Variants in JMJD1C observed in about 807,000 individuals in gnomAD.
The protein encoded by JMJD1C is jumonji domain-containing protein 1C.
A neutral mutation model predicts 245.3 loss-of-function variants in JMJD1C; 31 were observed. That is an observed-to-expected ratio of 0.13 (90% CI 0.09 to 0.17). The LOEUF (loss-of-function observed/expected upper bound fraction) is 0.17, where lower values mean the gene tolerates loss of function less well. Among genes scored for constraint, JMJD1C ranks in the 10% least tolerant of loss-of-function variants. JMJD1C has a pLI of 1.00. For missense variants in JMJD1C, 2,691 were observed against 3,000.2 expected (o/e 0.90, Z 2.41); for synonymous variants, 1,057 against 1,017.4 (o/e 1.04, Z -0.74).
intron 2 of JMJD1C, among the ~76,000 whole-genome samples, chr10:63,366,879 C>A (rs1020541237): frequency 1.3e-5 from 2 of 152,148 alleles, no homozygotes; most frequent in African/African-American, 4.8e-5. Flanking sequence ...ATTATTGTTA[C>A]CTGGAATAGC....
At chr10:63,452,534 C>T (rs1415183606) in intron 1 of JMJD1C, among the ~76,000 whole-genome samples, 1 of 152,116 alleles carries the variant, frequency 6.6e-6, no homozygotes, top group Non-Finnish European at 1.5e-5. Flanking sequence ...AGTGGTTCCT[C>T]ACAAAACATA....
chr10:63,242,864 A>G (rs1564668353), intron 3 of JMJD1C, among the ~76,000 whole-genome samples: 1 of 151,990 alleles, frequency 6.6e-6, no homozygotes, highest in Non-Finnish European at 1.5e-5. Context: ...TTTAGAGTAC[A>G]AAGTGTTTTC....
chr10:63,247,734 A>AG (rs1852427043), intron 3 of JMJD1C, among the ~76,000 whole-genome samples: 2 of 151,052 alleles, frequency 1.3e-5, no homozygotes, highest in Non-Finnish European at 2.9e-5. Context: ...AAAAAAAAAA[A>AG]AAAAGAAACA....
intron 1 of JMJD1C, among the ~76,000 whole-genome samples, chr10:63,511,293 T>C (rs1173808141): frequency 1.3e-5 from 2 of 152,248 alleles, no homozygotes; most frequent in East Asian, 1.9e-4. Flanking sequence ...ACTGAGCACA[T>C]TATATGATTT....
chr10:63,290,588 A>G (rs1300347640), intron 2 of JMJD1C, among the ~76,000 whole-genome samples: 1 of 152,194 alleles, frequency 6.6e-6, no homozygotes, highest in Non-Finnish European at 1.5e-5. Context: ...AGTAGATGGT[A>G]AAAAGCTTCT....
Position 63,281,406 on chromosome 10 carries a change from G to A in JMJD1C, c.334-16642C>T, listed in dbSNP as rs575837886. Among the ~76,000 whole-genome samples, 64 of 134,652 alleles carry A rather than the reference G, an allele frequency of 4.8e-4. No individual in the cohort carries two copies. In the South Asian group the frequency reaches 0.013, roughly 27 times the overall value. 88.3% of individuals were successfully genotyped at this position (134,652 alleles called of 152,430 possible). A position where few individuals can be genotyped will look rare whatever the true frequency, so the allele number is the denominator to read the frequency against. Reference sequence around the variant, plus strand: ...GAACTCCTGACCTTGTGATCTGCCCGTCTCGGCCTCCCAAAGTGCTATGAT... The same window carrying A: ...GAACTCCTGACCTTGTGATCTGCCCATCTCGGCCTCCCAAAGTGCTATGAT... On this transcript the variant is annotated intron_variant, in intron 2 of 25. Transcript: ENST00000399262.
intron 10 of JMJD1C, chr10:63,204,436 TA>T: frequency 1.0e-6 from 1 of 985,288 alleles, no homozygotes; most frequent in Non-Finnish European, 1.2e-6. Context: ...CTTAATTTCA[TA>T]AATTTAACTT....
intron 2 of JMJD1C, among the ~76,000 whole-genome samples, chr10:63,376,380 TACA>T (rs879736666): frequency 1.4e-4 from 22 of 152,110 alleles, no homozygotes; most frequent in African/African-American, 5.1e-4. Flanking sequence ...TTTTTTTTAA[TACA>T]ACAACAAAGG....
At chr10:63,501,064 A>G (rs967096907) in intron 1 of JMJD1C, among the ~76,000 whole-genome samples, 8 of 152,350 alleles carry the variant, frequency 5.3e-5, no homozygotes, top group South Asian at 4.1e-4. Flanking sequence ...AAAACTGAGT[A>G]AAGTGCCCAA....
intron 1 of JMJD1C, among the ~76,000 whole-genome samples, chr10:63,435,034 T>C (rs973641273): frequency 2.6e-5 from 4 of 152,230 alleles, no homozygotes; most frequent in African/African-American, 7.2e-5. Context: ...GTCTGCGAAA[T>C]AGCCTACACA....
intron 2 of JMJD1C, among the ~76,000 whole-genome samples, chr10:63,366,347 G>C (rs1286513950): frequency 6.6e-6 from 1 of 152,114 alleles, no homozygotes; most frequent in Non-Finnish European, 1.5e-5. Context: ...AGGGCAATCA[G>C]AAACTCTACA....
At chr10:63,180,462 C>A (rs1843335945) in intron 22 of JMJD1C, among the ~76,000 whole-genome samples, 1 of 152,180 alleles carries the variant, frequency 6.6e-6, no homozygotes, top group Non-Finnish European at 1.5e-5. Flanking sequence ...GCAATCACAT[C>A]AGTACAAAGG....
chr10:63,241,887 G>T (rs570772629), intron 3 of JMJD1C, among the ~76,000 whole-genome samples: 2 of 152,258 alleles, frequency 1.3e-5, no homozygotes, highest in Admixed American at 6.5e-5. Context: ...ATACATATTT[G>T]TAAAACTGAA....
chr10:63,408,759 G>C (rs1250933615), intron 1 of JMJD1C, among the ~76,000 whole-genome samples: 1 of 150,718 alleles, frequency 6.6e-6, no homozygotes, highest in Non-Finnish European at 1.5e-5. Flanking sequence ...CGATACAAGA[G>C]AATAAACTAA....
chr10:63,433,114 A>T (rs2132856834), intron 1 of JMJD1C, among the ~76,000 whole-genome samples: 1 of 151,348 alleles, frequency 6.6e-6, no homozygotes, highest in Non-Finnish European at 1.5e-5. Context: ...TTTTTGAGAC[A>T]GAGTTTTGCT....
At chr10:63,341,676 C>T (rs537389665) in intron 2 of JMJD1C, among the ~76,000 whole-genome samples, 4 of 152,342 alleles carry the variant, frequency 2.6e-5, no homozygotes, top group Middle Eastern at 3.4e-3. Flanking sequence ...ATTCCTTCAA[C>T]TGTTCTAATT....
At chr10:63,322,932 G>A (rs1404574733) in intron 2 of JMJD1C, among the ~76,000 whole-genome samples, 1 of 148,234 alleles carries the variant, frequency 6.7e-6, no homozygotes, top group Non-Finnish European at 1.5e-5. Context: ...ATTAACAATT[G>A]TTTACGTATC....
At chr10:63,210,159 G>C (rs1341197844) in intron 8 of JMJD1C, among the ~76,000 whole-genome samples, 1 of 151,986 alleles carries the variant, frequency 6.6e-6, no homozygotes, top group Non-Finnish European at 1.5e-5. Context: ...ATACACATAA[G>C]GATCAAATAT....
intron 2 of JMJD1C, among the ~76,000 whole-genome samples, chr10:63,268,342 G>C (rs1166579676): frequency 6.6e-6 from 1 of 151,502 alleles, no homozygotes; most frequent in African/African-American, 2.4e-5. Context: ...GTTGGGGGTG[G>C]GGAAGGGAAT....
Sources: allele counts gnomAD v4.1 joint callset (sites outside exome capture counted in the v4.1 genomes callset), GRCh38; gene constraint gnomAD v4.1.1; transcripts MANE v1.5; gene names NCBI Gene and HGNC (gene_info 2026-07-23, HGNC 2026-07-21).